The following CHN1 variants were observed in gnomAD, a reference collection of about 807,000 sequenced individuals.
The protein encoded by CHN1 is chimerin 1, also known as N-chimaerin.
Under a neutral mutation model 59.5 loss-of-function variants are expected in CHN1, and 37 were observed. The ratio of observed to expected loss-of-function variants is 0.62; its 90% CI spans 0.48 to 0.82. The LOEUF (loss-of-function observed/expected upper bound fraction) is 0.82. Among genes scored for constraint, CHN1 ranks in the 40% least tolerant of loss-of-function variants. CHN1 has a pLI of 0.00. For synonymous variants in CHN1, 206 were observed against 200.4 expected (o/e 1.03, Z -0.24); for missense variants, 469 against 571.0 (o/e 0.82, Z 1.82).
intron 6 of CHN1, among the ~76,000 whole-genome samples, chr2:174,877,557 T>C (rs1399108198): frequency 6.6e-6 from 1 of 152,152 alleles, no homozygotes; most frequent in African/African-American, 2.4e-5. Context: ...TTCTGACCAA[T>C]CCCCTGAACT....
At chr2:174,997,708 G>T (rs1252452772) in intron 1 of CHN1, among the ~76,000 whole-genome samples, 2 of 152,062 alleles carry the variant, frequency 1.3e-5, no homozygotes, top group Non-Finnish European at 2.9e-5. Flanking sequence ...AGCCATTAAA[G>T]AACAGAAAAC....
chr2:174,857,844 T>G (rs1419332152), intron 6 of CHN1, among the ~76,000 whole-genome samples: 1 of 152,210 alleles, frequency 6.6e-6, no homozygotes, highest in Non-Finnish European at 1.5e-5. Context: ...AGAGAAGGTC[T>G]AACACTTTGT....
At chr2:174,958,980 T>C (rs1455189725) in intron 1 of CHN1, among the ~76,000 whole-genome samples, 1 of 152,214 alleles carries the variant, frequency 6.6e-6, no homozygotes, top group Non-Finnish European at 1.5e-5. Flanking sequence ...ATCACAATCA[T>C]GGCCAAATAA....
chr2:174,895,209 TATATACAC>T (rs1558971249), intron 5 of CHN1, among the ~76,000 whole-genome samples: 1 of 142,116 alleles, frequency 7.0e-6, no homozygotes, highest in Non-Finnish European at 1.5e-5. Context: ...TATATATATA[TATATACAC>T]ACACACACAC....
intron 1 of CHN1, among the ~76,000 whole-genome samples, chr2:175,000,719 C>A (rs1439324215): frequency 1.3e-5 from 2 of 152,134 alleles, no homozygotes; most frequent in Non-Finnish European, 2.9e-5. Flanking sequence ...GCTGGTATTA[C>A]AGGCATGAAC....
intron 1 of CHN1, among the ~76,000 whole-genome samples, chr2:174,997,410 T>C (rs1691742862): frequency 6.6e-6 from 1 of 152,208 alleles, no homozygotes; most frequent in Admixed American, 6.5e-5. Flanking sequence ...GCCTGCCCTA[T>C]GTTTTTACTA....
intron 5 of CHN1, among the ~76,000 whole-genome samples, chr2:174,908,653 C>T (rs916524063): frequency 6.6e-6 from 1 of 152,126 alleles, no homozygotes; most frequent in East Asian, 1.9e-4. Flanking sequence ...GCCAGTCTAC[C>T]TTTAAGAGCT....
chr2:174,968,236 G>C (rs991245009), intron 1 of CHN1, among the ~76,000 whole-genome samples: 1 of 152,074 alleles, frequency 6.6e-6, no homozygotes, highest in African/African-American at 2.4e-5. Context: ...ATCTTATTTT[G>C]ATCATTTCCA....
intron 5 of CHN1, among the ~76,000 whole-genome samples, chr2:174,894,359 C>A (rs999660667): frequency 1.3e-5 from 2 of 152,024 alleles, no homozygotes; most frequent in Non-Finnish European, 2.9e-5. Context: ...GACAAACAAG[C>A]ATATGAAAAG....
intron 8 of CHN1, among the ~76,000 whole-genome samples, chr2:174,819,224 G>A (rs1326641609): frequency 2.6e-5 from 4 of 152,098 alleles, no homozygotes; most frequent in Non-Finnish European, 5.9e-5. Context: ...CTTTAGGTAC[G>A]ATCAATCAAA....
At chr2:174,956,849 C>T (rs878990465) in intron 1 of CHN1, among the ~76,000 whole-genome samples, 2 of 151,508 alleles carry the variant, frequency 1.3e-5, no homozygotes, top group Admixed American at 1.3e-4. Flanking sequence ...CAAATAGAGT[C>T]ATTTCTTATT....
chr2:174,903,245 C>G (rs967755520), intron 5 of CHN1, among the ~76,000 whole-genome samples: 1 of 152,176 alleles, frequency 6.6e-6, no homozygotes, highest in Non-Finnish European at 1.5e-5. Flanking sequence ...TCAACATGAT[C>G]TTAAACTACC....
At chr2:174,871,516 GA>G (rs752799791) in intron 6 of CHN1, among the ~76,000 whole-genome samples, 14 of 152,084 alleles carry the variant, frequency 9.2e-5, no homozygotes, top group Non-Finnish European at 1.8e-4. Flanking sequence ...AGTCACAAAT[GA>G]AACAATACTG....
chr2:174,855,632 C>T (rs961217076), intron 6 of CHN1, among the ~76,000 whole-genome samples: 4 of 152,108 alleles, frequency 2.6e-5, no homozygotes, highest in African/African-American at 9.7e-5. Context: ...AATAATATGT[C>T]AGCTTCCATT....
intron 1 of CHN1, among the ~76,000 whole-genome samples, chr2:174,960,233 G>A (rs1434442117): frequency 1.3e-5 from 2 of 152,150 alleles, no homozygotes; most frequent in African/African-American, 4.8e-5. Context: ...AATTAATTAA[G>A]GATGTTAGAA....
chr2:174,845,138 T>C (rs966305282), intron 7 of CHN1, among the ~76,000 whole-genome samples: 2 of 152,220 alleles, frequency 1.3e-5, no homozygotes, highest in African/African-American at 4.8e-5. Context: ...ATGCAAATTC[T>C]TGAATAGACC....
intron 5 of CHN1, among the ~76,000 whole-genome samples, chr2:174,909,406 A>G (rs1473485079): frequency 6.6e-6 from 1 of 152,218 alleles, no homozygotes; most frequent in East Asian, 1.9e-4. Context: ...TAGGTTAGAC[A>G]AGCAATCAGT....
At chr2:174,879,301 T>C (rs961133847) in intron 5 of CHN1, among the ~76,000 whole-genome samples, 15 of 152,142 alleles carry the variant, frequency 9.9e-5, no homozygotes, top group African/African-American at 3.4e-4. Context: ...GGAAAGGAAA[T>C]AAAATATTTT....
chr2:174,922,719 T>C (rs1689048875), intron 3 of CHN1, among the ~76,000 whole-genome samples: 1 of 151,494 alleles, frequency 6.6e-6, no homozygotes, highest in Non-Finnish European at 1.5e-5. Flanking sequence ...CACTCATACA[T>C]ACATAAAAAA....
Sources: allele counts gnomAD v4.1 joint callset (sites outside exome capture counted in the v4.1 genomes callset), GRCh38; gene constraint gnomAD v4.1.1; transcripts MANE v1.5; gene names NCBI Gene and HGNC (gene_info 2026-07-23, HGNC 2026-07-21).